Variants in RASAL1 observed in about 807,000 individuals in gnomAD.
RASAL1 encodes the protein rasGAP-activating-like protein 1.
RASAL1 carries 72 observed loss-of-function variants against 96.6 expected under a neutral mutation model. That is an observed-to-expected ratio of 0.75 (90% CI 0.62 to 0.91). The LOEUF is 0.91. RASAL1 is among the 40% of genes least tolerant of loss of function. The pLI is 0.00. For synonymous variants in RASAL1, 405 were observed against 430.4 expected, an observed-to-expected ratio of 0.94 and a Z score of 0.73; for missense variants, 1,016 against 1,072.5, an observed-to-expected ratio of 0.95 and a Z score of 0.74.
At position 113,108,116 on chromosome 12, in the gene RASAL1, TG is replaced by T. The variant is rs1464072767; in HGVS notation, c.1480del (p.Gln494ArgfsTer45). The stretch of plus-strand genomic sequence containing the variant: ...AAGCAACAGCAGTGAGCGGCTAGTC[TG>T]GGGGTCCGCGTGTTGGTCCCGAAGG... ...FDLRDQHADP[Q>X]TSRSLLLLAK... On this transcript the variant is annotated frameshift_variant, in exon 14 of 21. Coordinates refer to ENST00000548055, the MANE Select transcript of RASAL1 (RefSeq NM_001301202.2). LOFTEE classifies it high-confidence loss of function. The T allele has an allele frequency of 3.1e-6, 5 of 1,613,506 alleles. No homozygotes were observed. The highest frequency in any genetic ancestry group is 8.5e-7 in the Non-Finnish European group (1 of 1,179,802).
rs770857292 is a variant in RASAL1 at position 113,135,482 on chromosome 12, T to C, written c.-20A>G. 36 of 1,596,318 alleles carry C rather than the reference T, an allele frequency of 2.3e-5. No individual in the cohort carries two copies. The highest frequency in any genetic ancestry group is 1.0e-4 in the South Asian group (9 of 88,342). ...GGCCATGGCGCCTAGCCACAAACTT[T>C]CCAGGCAGAAGGGCGCTCAGGTTCC... is the stretch of plus-strand genomic sequence containing the variant. On this transcript the variant is annotated 5_prime_UTR_variant, in exon 1 of 21. Coordinates refer to ENST00000548055, the MANE Select transcript of RASAL1 (RefSeq NM_001301202.2). This position sits in a 1 kb window ranked among gnomAD's most constrained non-coding sequence, Gnocchi z 5.7.
At position 113,108,151 on chromosome 12, in the gene RASAL1, C is replaced by A. The variant is rs373371809; in HGVS notation, c.1446G>T (p.Lys482Asn). 1.4e-5 allele frequency: 22 copies of A among 1,613,660 alleles called. No homozygotes were observed. Among genetic ancestry groups the A allele is most frequent in the Non-Finnish European group, 1.8e-5 (21 of 1,179,896 alleles). ...RFFAPAILTP[K>N]LFDLRDQHAD... ...CGTGTTGGTCCCGAAGGTCAAACAGCTTTGGGGTAAGGATGGCAGGTGCGA... is the reference window on the plus strand; with the variant it reads ...CGTGTTGGTCCCGAAGGTCAAACAGATTTGGGGTAAGGATGGCAGGTGCGA... The change falls in exon 14 of 21, where the codon AAG (lysine) becomes AAT (asparagine). Residue 482 changes from lysine (K) to asparagine (N), a missense_variant. By Grantham distance (94) the Lys-to-Asn change is moderately conservative (BLOSUM62 0). Transcript: ENST00000548055.
rs1674098 is a variant in RASAL1, at chr12:113,099,321, G to A, written c.*608C>T. On this transcript the variant is annotated 3_prime_UTR_variant, in exon 21 of 21. Coordinates refer to ENST00000548055, the MANE Select transcript of RASAL1 (RefSeq NM_001301202.2). ...TTTATACAGGGTAATCTGAGACCCAGAGAGAGATAAACAGCCTGGCCCAAG... is the reference window on the plus strand; with the variant it reads ...TTTATACAGGGTAATCTGAGACCCAAAGAGAGATAAACAGCCTGGCCCAAG... 139,104 of 152,210 alleles carry A rather than the reference G, an allele frequency of 0.91. 63,669 individuals are homozygous for A. The highest frequency in any genetic ancestry group is 0.95 in the Admixed American group (14,479 of 15,298). The allele number at this position is 152,210 out of a possible 1,614,324, so 9.4% of individuals were successfully genotyped here.
In RASAL1 at chr12:113,104,162, T is replaced by G; in HGVS notation, c.1967A>C (p.Lys656Thr). The change falls in exon 17 of 21, where the codon AAG (lysine) becomes ACG (threonine). Residue 656 changes from lysine (K) to threonine (T), a missense_variant and splice_region_variant. Physicochemically the swap from Lys to Thr is moderately conservative, Grantham distance 78 (BLOSUM62 -1). Transcript: ENST00000548055. ...CTCCCCATCGCGGTGGGGTCTCACC[T>G]TGCACTGGAGGTAGGTGGTGTGCAG... ...GALHTTYLQCKNVNELNQWLS... is the reference protein window; with the variant it reads ...GALHTTYLQCTNVNELNQWLS... 6.2e-7 allele frequency: 1 copy of G among 1,607,364 alleles called. No homozygotes were observed. Among genetic ancestry groups the G allele is most frequent in the Non-Finnish European group, 8.5e-7 (1 of 1,175,272 alleles).
rs1359564832 is a variant in RASAL1 at position 113,128,095 on chromosome 12, G to C, written c.206C>G (p.Ala69Gly). 1 of 1,613,922 alleles carries C rather than the reference G, an allele frequency of 6.2e-7. No individual in the cohort carries two copies. The highest frequency in any genetic ancestry group is 1.1e-5 in the South Asian group (1 of 91,060). Residue 69 changes from alanine (A) to glycine (G), a missense_variant, in exon 3 of 21, where the codon GCC becomes GGC. Transcript: ENST00000548055. Reference protein sequence around the residue: ...VHLPLDFHQLAFYVLDEDTVG... With the variant: ...VHLPLDFHQLGFYVLDEDTVG... ...AGTGTCCTCATCCAGCACGTAGAAGGCCAGCTGGTGGAAATCCAGAGGCAG... is the reference window on the plus strand; with the variant it reads ...AGTGTCCTCATCCAGCACGTAGAAGCCCAGCTGGTGGAAATCCAGAGGCAG...
chr12:113,128,972 G>GACACAC lies in RASAL1; in HGVS notation c.123-800_123-795dup, dbSNP rs35122341. ...ACAGTCATACAAACACACAGTCACTGACACACACACACACACACACACACA... is the reference window on the plus strand; with the variant it reads ...ACAGTCATACAAACACACAGTCACTGACACACACACACACACACACACACACACACA... On this transcript the variant is annotated intron_variant, in intron 2 of 20. Transcript: ENST00000548055. 8.8e-3 allele frequency among the ~76,000 whole-genome samples: 1,262 copies of GACACAC among 142,822 alleles called. 50 individuals are homozygous for GACACAC. In the East Asian group the frequency reaches 0.15, roughly 17 times the overall value. 93.7% of individuals were successfully genotyped at this position (142,822 alleles called of 152,430 possible). A position where few individuals can be genotyped will look rare whatever the true frequency, so the allele number is the denominator to read the frequency against.
chr12:113,101,449 A>T (rs1379157175), intron 19 of RASAL1, among the ~76,000 whole-genome samples: 1 of 152,154 alleles, frequency 6.6e-6, no homozygotes, highest in Non-Finnish European at 1.5e-5. Flanking sequence ...TTAAAAAGAG[A>T]TCACACAGCT....
At chr12:113,134,665 C>T (rs1951845336) in intron 1 of RASAL1, among the ~76,000 whole-genome samples, 1 of 152,218 alleles carries the variant, frequency 6.6e-6, no homozygotes, top group East Asian at 1.9e-4. Context: ...ACCCGCCCCC[C>T]ATATTCTGCT....
chr12:113,134,861 G>T (rs1951855194), intron 1 of RASAL1, among the ~76,000 whole-genome samples: 1 of 152,174 alleles, frequency 6.6e-6, no homozygotes, highest in African/African-American at 2.4e-5. Context: ...AGACTGGGGA[G>T]CTCAGGGCTT....
intron 13 of RASAL1, among the ~76,000 whole-genome samples, chr12:113,110,374 T>C (rs1026844029): frequency 1.3e-5 from 2 of 152,250 alleles, no homozygotes; most frequent in Admixed American, 6.5e-5. Flanking sequence ...GGTTACGACA[T>C]TGCCAAAATG....
chr12:113,117,257 A>G, intron 7 of RASAL1, 96 bp from the exon 8 acceptor site: 1 of 884,854 alleles, frequency 1.1e-6, no homozygotes, highest in South Asian at 2.3e-5. Flanking sequence ...CAGACTGCCC[A>G]CCCACAGAGG....
intron 1 of RASAL1, 147 bp from the exon 2 acceptor site, chr12:113,131,088 T>C (rs1426523236): frequency 1.6e-6 from 1 of 619,902 alleles, no homozygotes; most frequent in Non-Finnish European, 2.9e-6. Context: ...AGCTCAGAAG[T>C]AGAACCTTAG....
Position 113,135,260 on chromosome 12 carries a change from C to T in RASAL1, c.65+138G>A, listed in dbSNP as rs984222835. 2 of 773,928 alleles carry T rather than the reference C, an allele frequency of 2.6e-6. No individual in the cohort carries two copies. Among genetic ancestry groups the T allele is most frequent in the African/African-American group, 1.8e-5 (1 of 56,586 alleles). The allele number at this position is 773,928 out of a possible 1,614,324, so 47.9% of individuals were successfully genotyped here. On this transcript the variant is annotated intron_variant, in intron 1 of 20. Coordinates refer to ENST00000548055, the MANE Select transcript of RASAL1 (RefSeq NM_001301202.2). This position sits in a 1 kb window ranked among gnomAD's most constrained non-coding sequence, Gnocchi z 5.7. ...CATGCGGCCTCTCGCCCCTTTAAAGCGGAACTGCCCCAAGACCAGTCTTGG... is the reference window on the plus strand; with the variant it reads ...CATGCGGCCTCTCGCCCCTTTAAAGTGGAACTGCCCCAAGACCAGTCTTGG...
At chr12:113,128,274 A>G in intron 2 of RASAL1, 96 bp from the exon 3 acceptor site, 2 of 704,634 alleles carry the variant, frequency 2.8e-6, no homozygotes, top group Non-Finnish European at 4.9e-6. Context: ...ACACACACAC[A>G]CACACACGGG....
chr12:113,135,545 C>A lies in RASAL1; in HGVS notation c.-83G>T. The A allele has an allele frequency of 8.3e-7, 1 of 1,210,680 alleles. No individual in the cohort carries two copies. Among genetic ancestry groups the A allele is most frequent in the Non-Finnish European group, 1.2e-6 (1 of 846,928 alleles). The allele number at this position is 1,210,680 out of a possible 1,614,324, so 75.0% of individuals were successfully genotyped here. A position where few individuals can be genotyped will look rare whatever the true frequency, so the allele number is the denominator to read the frequency against. Reference sequence around the variant, plus strand: ...GGGGACGTCTACATGTCACCTGCTTCAAGCCTGGCTCCCTGCCTCGTGGTC... The same window carrying A: ...GGGGACGTCTACATGTCACCTGCTTAAAGCCTGGCTCCCTGCCTCGTGGTC... On this transcript the variant is annotated 5_prime_UTR_variant, in exon 1 of 21. Transcript: ENST00000548055. This position sits in a 1 kb window ranked among gnomAD's most constrained non-coding sequence, Gnocchi z 5.7.
chr12:113,116,059 G>A lies in RASAL1; in HGVS notation c.732-8C>T, dbSNP rs1480484484. ...AGGGCACCCAGGTTCCCCCTGTCCA[G>A]GATCAGATCATAAGAAAATGAAAGA... On this transcript the variant is annotated splice_polypyrimidine_tract_variant and splice_region_variant and intron_variant, in intron 8 of 20. Transcript: ENST00000548055. 1 of 1,556,066 alleles carries A rather than the reference G, an allele frequency of 6.4e-7. No individual in the cohort carries two copies.
rs764636562 is a variant in RASAL1 at position 113,127,823 on chromosome 12, G to T, written c.287C>A (p.Ala96Asp). 33 of 1,612,030 alleles carry T rather than the reference G, an allele frequency of 2.0e-5. No individual in the cohort carries two copies. Among genetic ancestry groups the T allele is most frequent in the Non-Finnish European group, 8.5e-7 (1 of 1,178,504 alleles). Residue 96 changes from alanine to aspartate, a missense_variant, in exon 4 of 21, where the codon GCC (alanine) becomes GAC (aspartate). Ala to Asp is a moderately radical substitution (Grantham distance 126). Transcript: ENST00000548055. ...KISLSREAIT[A>D]DPRGIDSWIN... ...TGTCCCTCGCCCACCTCGGGGGTCG[G>T]CTGTAATCGCCTCCCTGCTCAGCGA...
intron 1 of RASAL1, among the ~76,000 whole-genome samples, chr12:113,131,627 G>T (rs571635772): frequency 6.6e-6 from 1 of 152,284 alleles, no homozygotes; most frequent in African/African-American, 2.4e-5. Context: ...ACCCCCTTAA[G>T]TAGCTATGAG....
At chr12:113,120,575 T>G in intron 5 of RASAL1, among the ~76,000 whole-genome samples, 1 of 149,914 alleles carries the variant, frequency 6.7e-6, no homozygotes. Flanking sequence ...GCTGGGGAGG[T>G]GAAAAACAGG....
Sources: allele counts gnomAD v4.1 joint callset (sites outside exome capture counted in the v4.1 genomes callset), GRCh38; gene constraint gnomAD v4.1.1; non-coding constraint Gnocchi (gnomAD v3.1); transcripts MANE v1.5; gene names NCBI Gene and HGNC (gene_info 2026-07-23, HGNC 2026-07-21).